Variants in EIF4G3 observed in about 807,000 individuals in gnomAD.
The protein encoded by EIF4G3 is eukaryotic translation initiation factor 4 gamma 3.
A neutral mutation model predicts 186.4 loss-of-function variants in EIF4G3; 34 were observed. The ratio of observed to expected loss-of-function variants is 0.18; its 90% CI spans 0.14 to 0.24. EIF4G3 has a LOEUF of 0.24. EIF4G3 is among the 10% of genes least tolerant of loss of function. The pLI is 1.00. For synonymous variants in EIF4G3, 673 were observed against 679.5 expected, an observed-to-expected ratio of 0.99 and a Z score of 0.15; for missense variants, 1,536 against 1,948.5, an observed-to-expected ratio of 0.79 and a Z score of 3.99.
chr1:20,813,369 T>G, intron 34 of EIF4G3, 130 bp from the exon 35 acceptor site: 1 of 482,290 alleles, frequency 2.1e-6, no homozygotes, highest in Non-Finnish European at 3.7e-6. Flanking sequence ...TTGAGACCAG[T>G]CTGGGCAATA....
intron 2 of EIF4G3, among the ~76,000 whole-genome samples, chr1:21,109,347 T>C (rs563428017): frequency 2.0e-5 from 3 of 152,148 alleles, no homozygotes; most frequent in African/African-American, 4.8e-5. Context: ...ACACAAATAA[T>C]AGAATATTTA....
intron 32 of EIF4G3, among the ~76,000 whole-genome samples, chr1:20,826,270 G>C (rs941560471): frequency 6.6e-6 from 1 of 151,034 alleles, no homozygotes; most frequent in Non-Finnish European, 1.5e-5. Context: ...AGATTCAAGC[G>C]ATTCTCCTGC....
At chr1:21,119,261 G>A (rs955276526) in intron 2 of EIF4G3, among the ~76,000 whole-genome samples, 1 of 151,920 alleles carries the variant, frequency 6.6e-6, no homozygotes, top group Non-Finnish European at 1.5e-5. Context: ...CTTATAGAAT[G>A]AGAGATTTGA....
intron 15 of EIF4G3, among the ~76,000 whole-genome samples, chr1:20,901,712 G>T (rs2090346187): frequency 1.3e-5 from 2 of 151,956 alleles, no homozygotes; most frequent in South Asian, 4.1e-4. Flanking sequence ...TATTTGAAGA[G>T]AATAACAAAA....
chr1:20,896,387 G>T (rs2088047665), intron 16 of EIF4G3, among the ~76,000 whole-genome samples: 2 of 143,734 alleles, frequency 1.4e-5, no homozygotes, highest in South Asian at 4.3e-4. Context: ...AGTGAGCTAT[G>T]ATTGCACCAC....
At chr1:20,981,569 T>C (rs996859751) in intron 8 of EIF4G3, among the ~76,000 whole-genome samples, 3 of 139,828 alleles carry the variant, frequency 2.1e-5, no homozygotes, top group Admixed American at 2.1e-4. Context: ...CATACATGTA[T>C]ACGCACATAC....
At chr1:20,950,614 T>C (rs925704070) in intron 12 of EIF4G3, among the ~76,000 whole-genome samples, 8 of 152,196 alleles carry the variant, frequency 5.3e-5, no homozygotes, top group African/African-American at 1.9e-4. Context: ...CTTATCCATG[T>C]AATCATACAG....
intron 4 of EIF4G3, among the ~76,000 whole-genome samples, chr1:21,011,427 G>C (rs761623690): frequency 4.6e-5 from 7 of 152,034 alleles, no homozygotes; most frequent in African/African-American, 1.7e-4. Context: ...TTCCCTAATG[G>C]TAATATCTAA....
At chr1:20,838,576 C>T (rs977834863) in intron 30 of EIF4G3, among the ~76,000 whole-genome samples, 1 of 152,188 alleles carries the variant, frequency 6.6e-6, no homozygotes, top group Admixed American at 6.5e-5. Flanking sequence ...AACTGGGAAA[C>T]CATCCTGGCC....
chr1:21,086,835 G>A (rs1280948159), intron 3 of EIF4G3, among the ~76,000 whole-genome samples: 1 of 151,658 alleles, frequency 6.6e-6, no homozygotes, highest in African/African-American at 2.4e-5. Context: ...AGCTACTCAG[G>A]AGGCTGAGGC....
chr1:21,158,391 G>A (rs1187203480), intron 2 of EIF4G3, among the ~76,000 whole-genome samples: 2 of 151,732 alleles, frequency 1.3e-5, no homozygotes, highest in African/African-American at 2.4e-5. Flanking sequence ...GCCCAGGGGG[G>A]TTTCAAACTC....
At chr1:21,128,027 AC>A (rs2097081680) in intron 2 of EIF4G3, among the ~76,000 whole-genome samples, 2 of 151,052 alleles carry the variant, frequency 1.3e-5, no homozygotes, top group South Asian at 4.2e-4. Flanking sequence ...ACACGGTGAA[AC>A]CCCATCTCTA....
At chr1:21,047,391 C>G (rs2093951885) in intron 4 of EIF4G3, among the ~76,000 whole-genome samples, 1 of 152,192 alleles carries the variant, frequency 6.6e-6, no homozygotes, top group Non-Finnish European at 1.5e-5. Flanking sequence ...TTGGGGGTAA[C>G]TCTTAGGAGA....
intron 2 of EIF4G3, among the ~76,000 whole-genome samples, chr1:21,098,540 G>GA (rs59544256): frequency 1.1e-3 from 81 of 72,500 alleles, no homozygotes; most frequent in East Asian, 1.5e-3. Context: ...GCCCTGTCTC[G>GA]AAAAAAAAAA....
chr1:21,110,539 C>T (rs1379002203), intron 2 of EIF4G3, among the ~76,000 whole-genome samples: 1 of 152,170 alleles, frequency 6.6e-6, no homozygotes, highest in Non-Finnish European at 1.5e-5. Flanking sequence ...AGGCAATTCG[C>T]CCACCTCGGC....
intron 3 of EIF4G3, among the ~76,000 whole-genome samples, chr1:21,076,965 C>A (rs2095607684): frequency 1.3e-5 from 2 of 152,092 alleles, no homozygotes; most frequent in African/African-American, 4.8e-5. Flanking sequence ...TAAAAAGTTT[C>A]TGCAAATTTA....
chr1:20,991,850 A>G (rs997135025), intron 7 of EIF4G3, among the ~76,000 whole-genome samples: 4 of 152,222 alleles, frequency 2.6e-5, no homozygotes, highest in Non-Finnish European at 5.9e-5. Context: ...AAAGGCAGGT[A>G]GTCTCACTGC....
intron 2 of EIF4G3, among the ~76,000 whole-genome samples, chr1:21,096,792 A>AG (rs1317052312): frequency 1.4e-4 from 22 of 152,192 alleles, no homozygotes; most frequent in Non-Finnish European, 2.9e-4. Flanking sequence ...ACTGGCTGAA[A>AG]GTTTTTATGG....
intron 2 of EIF4G3, chr1:21,167,955 A>T: frequency 2.3e-6 from 1 of 425,908 alleles, no homozygotes. Flanking sequence ...AAGATGTTTG[A>T]CTTACTGATA....
Sources: gnomAD v4.1 joint callset for allele counts (sites outside exome capture counted in the v4.1 genomes callset) on GRCh38, gnomAD v4.1.1 for gene constraint, MANE v1.5 for transcripts, NCBI Gene and HGNC (gene_info 2026-07-23, HGNC 2026-07-21) for gene names.